ARID5A: variants seen among roughly 807,000 people sequenced by gnomAD.
ARID5A encodes AT-rich interaction domain 5A.
ARID5A carries 14 observed loss-of-function variants against 30.5 expected under a neutral mutation model. The ratio of observed to expected loss-of-function variants is 0.46; its 90% CI spans 0.30 to 0.72. The LOEUF is 0.72. Among genes scored for constraint, ARID5A ranks in the 30% least tolerant of loss-of-function variants. The pLI is 0.07. For missense variants in ARID5A, 669 were observed against 786.2 expected (o/e 0.85, Z 1.78); for synonymous variants, 338 against 340.4 (o/e 0.99, Z 0.08).
In ARID5A at chr2:96,552,239, T is replaced by C. The variant is rs758566031; in HGVS notation, c.1711T>C (p.Ser571Pro). ...SALRHRLCPA[S>P]SAWHAPPVTT... is the part of the protein sequence containing the mutation. ...CCTCCGCCACAGACTTTGCCCGGCC[T>C]CATCTGCCTGGCACGCACCACCAGT... Residue 571 changes from serine (S) to proline (P), a missense_variant, in exon 7 of 7, where the codon TCA becomes CCA. By Grantham distance (74) the Ser-to-Pro change is moderately conservative (BLOSUM62 -1). Coordinates refer to ENST00000357485, the MANE Select transcript of ARID5A (RefSeq NM_212481.3). 9 of 1,613,320 alleles carry C rather than the reference T, an allele frequency of 5.6e-6. No homozygotes were observed. In the Admixed American group the frequency reaches 1.5e-4, roughly 27 times the overall value.
Position 96,552,188 on chromosome 2 carries a change from T to C in ARID5A, c.1660T>C (p.Phe554Leu). 1.9e-6 allele frequency: 3 copies of C among 1,613,472 alleles called. No individual in the cohort carries two copies. The highest frequency in any genetic ancestry group is 2.5e-6 in the Non-Finnish European group (3 of 1,180,010). Residue 554 changes from phenylalanine (F) to leucine (L), a missense_variant, in exon 7 of 7, where the codon TTC (phenylalanine) becomes CTC (leucine). Physicochemically the swap from Phe to Leu is conservative, Grantham distance 22 (BLOSUM62 0). Coordinates refer to ENST00000357485, the MANE Select transcript of ARID5A (RefSeq NM_212481.3). The stretch of plus-strand genomic sequence containing the variant: ...GCCCATGGCCGCTGGCCTGATGCAC[T>C]TCCCCCCAACGTCCTTCGACAGTGC... ...PSPMAAGLMHFPPTSFDSALR... is the reference protein window; with the variant it reads ...PSPMAAGLMHLPPTSFDSALR...
At position 96,552,396 on chromosome 2, in the gene ARID5A, G is replaced by T. The variant is rs948253714; in HGVS notation, c.*83G>T. On this transcript the variant is annotated 3_prime_UTR_variant, in exon 7 of 7. Coordinates refer to ENST00000357485, the MANE Select transcript of ARID5A (RefSeq NM_212481.3). ...ACTGCTGCCAGGGGGCTCTGAACTA[G>T]TGCCTGCTACCCAGGACACCCGGGC... 3.1e-6 allele frequency: 5 copies of T among 1,590,010 alleles called. No homozygotes were observed. Among genetic ancestry groups the T allele is most frequent in the Non-Finnish European group, 2.6e-6 (3 of 1,169,572 alleles).
chr2:96,547,662 C>T, intron 2 of ARID5A, 145 bp downstream of exon 2: 1 of 704,404 alleles, frequency 1.4e-6, no homozygotes. Flanking sequence ...AGCCAGGGGA[C>T]TTACTTGTCA....
chr2:96,552,082 G>A lies in ARID5A; in HGVS notation c.1554G>A (p.Leu518=). 1 of 1,593,416 alleles carries A rather than the reference G, an allele frequency of 6.3e-7. No individual in the cohort carries two copies. The highest frequency in any genetic ancestry group is 1.1e-5 in the South Asian group (1 of 88,158). The change falls in exon 7 of 7, where the codon TTG becomes TTA. Residue 518 remains leucine, a synonymous_variant. Coordinates refer to ENST00000357485, the MANE Select transcript of ARID5A (RefSeq NM_212481.3). ...PLNFTGTPGP[L]KGQAALPFSP... Reference sequence around the variant, plus strand: ...ACTTCACTGGCACCCCGGGCCCCTTGAAGGGCCAGGCTGCACTCCCCTTCA... The same window carrying A: ...ACTTCACTGGCACCCCGGGCCCCTTAAAGGGCCAGGCTGCACTCCCCTTCA...
intron 2 of ARID5A, among the ~76,000 whole-genome samples, chr2:96,548,521 C>T (rs549731952): frequency 3.3e-5 from 5 of 152,326 alleles, no homozygotes; most frequent in Admixed American, 3.3e-4. Context: ...CTGCCCACCT[C>T]GGCCTCCCAA....
At chr2:96,538,468 AG>A in intron 1 of ARID5A, 9 of 436,738 alleles carry the variant, frequency 2.1e-5, no homozygotes, top group Non-Finnish European at 2.8e-5. Flanking sequence ...CCCCAAGCTG[AG>A]GTACTGAGGT....
intron 1 of ARID5A, among the ~76,000 whole-genome samples, chr2:96,538,825 T>C (rs1449174570): frequency 6.6e-6 from 1 of 152,180 alleles, no homozygotes; most frequent in Admixed American, 6.5e-5. Context: ...CGGTGACTTT[T>C]CATGAAAGGA....
At chr2:96,540,479 G>C (rs1214817599) in intron 1 of ARID5A, among the ~76,000 whole-genome samples, 1 of 152,188 alleles carries the variant, frequency 6.6e-6, no homozygotes, top group Non-Finnish European at 1.5e-5. Flanking sequence ...TCGCAGGGGG[G>C]CTTTTGTGGA....
chr2:96,540,855 C>T (rs1173259125), intron 1 of ARID5A, among the ~76,000 whole-genome samples: 1 of 152,104 alleles, frequency 6.6e-6, no homozygotes, highest in Non-Finnish European at 1.5e-5. Flanking sequence ...AAGCAATTCT[C>T]CTGCCTCAGC....
In ARID5A at chr2:96,550,136, C is replaced by T. The variant is rs1317167596; in HGVS notation, c.313-52C>T. 16 of 1,530,784 alleles carry T rather than the reference C, an allele frequency of 1.0e-5. No individual in the cohort carries two copies. Among genetic ancestry groups the T allele is most frequent in the Non-Finnish European group, 1.8e-6 (2 of 1,142,592 alleles). The allele number at this position is 1,530,784 out of a possible 1,614,324, so 94.8% of individuals were successfully genotyped here. On this transcript the variant is annotated intron_variant, in intron 4 of 6. Coordinates refer to ENST00000357485, the MANE Select transcript of ARID5A (RefSeq NM_212481.3). The surrounding 1 kb of genome is among the most constrained non-coding windows in gnomAD (Gnocchi z 6.6). ...CGAGGGCGGCCGGAGCTGCAAGGAC[C>T]CCGCCGCCAGGGGGCGCCCGCCGGC... is the stretch of plus-strand genomic sequence containing the variant.
chr2:96,544,877 C>T (rs1327213548), intron 1 of ARID5A, among the ~76,000 whole-genome samples: 4 of 152,098 alleles, frequency 2.6e-5, no homozygotes, highest in Admixed American at 2.0e-4. Context: ...ATTTGTGGTT[C>T]GTGGGAGGAG....
chr2:96,540,135 A>T (rs1210324191), intron 1 of ARID5A, among the ~76,000 whole-genome samples: 2 of 152,224 alleles, frequency 1.3e-5, no homozygotes, highest in Non-Finnish European at 2.9e-5. Context: ...CCTAGCCCAC[A>T]CCAGCCAGGG....
rs567000559 is a variant in ARID5A at position 96,551,022 on chromosome 2, G to A, written c.571-77G>A. 58 of 1,502,672 alleles carry A rather than the reference G, an allele frequency of 3.9e-5. No homozygotes were observed. The African/African-American group carries it at 7.7e-4, about 20-fold the overall frequency. 93.1% of individuals were successfully genotyped at this position (1,502,672 alleles called of 1,614,324 possible). A position where few individuals can be genotyped will look rare whatever the true frequency, so the allele number is the denominator to read the frequency against. On this transcript the variant is annotated intron_variant, in intron 6 of 6. Transcript: ENST00000357485. Reference sequence around the variant, plus strand: ...GCTGGCGGGGGACCTGGGCAGGCCTGAAAGTGCCACCTCTTGCTCCTCAGG... The same window carrying A: ...GCTGGCGGGGGACCTGGGCAGGCCTAAAAGTGCCACCTCTTGCTCCTCAGG...
intron 1 of ARID5A, 116 bp downstream of exon 1, chr2:96,536,946 G>A: frequency 8.5e-7 from 1 of 1,178,612 alleles, no homozygotes; most frequent in Non-Finnish European, 1.1e-6. Flanking sequence ...TGTGTGGGGC[G>A]GAGAGGGGCC....
chr2:96,547,071 G>C (rs1012785054), intron 1 of ARID5A, among the ~76,000 whole-genome samples: 2 of 152,106 alleles, frequency 1.3e-5, no homozygotes, highest in African/African-American at 4.8e-5. Context: ...GCGGGTTGTC[G>C]GGGAGCGGGG....
chr2:96,543,298 G>A (rs1251815118), intron 1 of ARID5A, among the ~76,000 whole-genome samples: 1 of 152,186 alleles, frequency 6.6e-6, no homozygotes, highest in Non-Finnish European at 1.5e-5. Flanking sequence ...GAATTCCTCC[G>A]GGACTGAGGG....
At position 96,537,988 on chromosome 2, in the gene ARID5A, C is replaced by T. The variant is rs1573178236; in HGVS notation, c.4+1158C>T. ...GCCCACACGCACGGTGGCGTCACTG[C>T]GCCTACAGGCAACGCTAGAGCACAG... is the stretch of plus-strand genomic sequence containing the variant. On this transcript the variant is annotated intron_variant, in intron 1 of 6. Coordinates refer to ENST00000357485, the MANE Select transcript of ARID5A (RefSeq NM_212481.3). The surrounding 1 kb of genome is among the most constrained non-coding windows in gnomAD (Gnocchi z 4.8). 9.1e-6 allele frequency: 9 copies of T among 985,486 alleles called. No homozygotes were observed. The highest frequency in any genetic ancestry group is 1.1e-5 in the Non-Finnish European group (9 of 829,968). The allele number at this position is 985,486 out of a possible 1,614,324, so 61.0% of individuals were successfully genotyped here.
Position 96,536,785 on chromosome 2 carries a change from G to C in ARID5A, c.-42G>C. 8.3e-7 allele frequency: 1 copy of C among 1,208,648 alleles called. No individual in the cohort carries two copies. Among genetic ancestry groups the C allele is most frequent in the Non-Finnish European group, 1.0e-6 (1 of 974,046 alleles). The allele number at this position is 1,208,648 out of a possible 1,614,324, so 74.9% of individuals were successfully genotyped here. A position where few individuals can be genotyped will look rare whatever the true frequency, so the allele number is the denominator to read the frequency against. ...GAGCGCGGGGTCCGGACAGCCGCGCGCTGAGGGTCTCGGGGCGGGCGCCGC... is the reference window on the plus strand; with the variant it reads ...GAGCGCGGGGTCCGGACAGCCGCGCCCTGAGGGTCTCGGGGCGGGCGCCGC... On this transcript the variant is annotated 5_prime_UTR_variant, in exon 1 of 7. Transcript: ENST00000357485.
Position 96,551,912 on chromosome 2 carries a change from G to C in ARID5A, c.1384G>C (p.Val462Leu), listed in dbSNP as rs777135656. 1 of 1,533,070 alleles carries C rather than the reference G, an allele frequency of 6.5e-7. No individual in the cohort carries two copies. Among genetic ancestry groups the C allele is most frequent in the African/African-American group, 1.4e-5 (1 of 71,932 alleles). The allele number at this position is 1,533,070 out of a possible 1,614,324, so 95.0% of individuals were successfully genotyped here. The change falls in exon 7 of 7, where the codon GTG becomes CTG. Residue 462 changes from valine to leucine, a missense_variant. Coordinates refer to ENST00000357485, the MANE Select transcript of ARID5A (RefSeq NM_212481.3). ...AAHSGKRLRA[V>L]SPFLKEADAK... ...CCACAGTGGGAAGAGACTGCGGGCC[G>C]TGTCTCCCTTTCTTAAGGAGGCGGA...
Sources: allele counts gnomAD v4.1 joint callset (sites outside exome capture counted in the v4.1 genomes callset), GRCh38; gene constraint gnomAD v4.1.1; non-coding constraint Gnocchi (gnomAD v3.1); transcripts MANE v1.5; gene names NCBI Gene and HGNC (gene_info 2026-07-23, HGNC 2026-07-21).